The following EEA1 variants were observed in gnomAD, a reference collection of about 807,000 sequenced individuals.
EEA1 encodes early endosome antigen 1, also known as early endosome antigen 1, 162kD.
In EEA1, 111 loss-of-function variants were observed where a neutral mutation model predicts 209.2. That is an observed-to-expected ratio of 0.53 (90% CI 0.45 to 0.62). The LOEUF (loss-of-function observed/expected upper bound fraction) is 0.62, where lower values mean the gene tolerates loss of function less well. Among genes scored for constraint, EEA1 ranks in the 20% least tolerant of loss-of-function variants. The pLI is 0.00. For missense variants in EEA1, 1,343 were observed against 1,530.8 expected (o/e 0.88, Z 2.05); for synonymous variants, 536 against 540.6 (o/e 0.99, Z 0.12).
At chr12:92,908,956 T>C (rs1454035702) in intron 1 of EEA1, among the ~76,000 whole-genome samples, 1 of 152,080 alleles carries the variant, frequency 6.6e-6, no homozygotes, top group Non-Finnish European at 1.5e-5. Context: ...CCTGAGTAGC[T>C]AGGATTACAG....
intron 2 of EEA1, among the ~76,000 whole-genome samples, chr12:92,878,682 A>T (rs1879015849): frequency 6.6e-6 from 1 of 152,216 alleles, no homozygotes; most frequent in Non-Finnish European, 1.5e-5. Context: ...AAAGCAAAAC[A>T]CAGAGAAAAT....
chr12:92,915,446 G>C (rs988195709), intron 1 of EEA1, among the ~76,000 whole-genome samples: 1 of 152,118 alleles, frequency 6.6e-6, no homozygotes, highest in Non-Finnish European at 1.5e-5. Flanking sequence ...CTCTAGCCTG[G>C]ACAACAGGGC....
At chr12:92,776,228 A>T in intron 28 of EEA1, 95 bp from the exon 29 acceptor site, 2 of 1,197,206 alleles carry the variant, frequency 1.7e-6, no homozygotes, top group South Asian at 1.8e-5. Flanking sequence ...TTATGAAGGT[A>T]CATTAGCTTT....
chr12:92,777,207 A>G (rs1431763192), intron 27 of EEA1, among the ~76,000 whole-genome samples: 2 of 151,906 alleles, frequency 1.3e-5, no homozygotes, highest in African/African-American at 4.8e-5. Context: ...TCTAAACATA[A>G]TGATGAATTT....
At chr12:92,906,852 A>G (rs1324441975) in intron 1 of EEA1, among the ~76,000 whole-genome samples, 1 of 152,064 alleles carries the variant, frequency 6.6e-6, no homozygotes, top group East Asian at 1.9e-4. Context: ...AACTTTCAAC[A>G]CTGATTTTGT....
intron 6 of EEA1, 53 bp from the exon 7 acceptor site, chr12:92,853,078 ATTG>A: frequency 4.4e-6 from 5 of 1,131,812 alleles, no homozygotes; most frequent in Non-Finnish European, 6.5e-6. Flanking sequence ...CATATGCTAA[ATTG>A]TTATTACTTA....
At position 92,802,388 on chromosome 12, in the gene EEA1, AAT is replaced by A. The variant is rs768925566; in HGVS notation, c.2670+14_2670+15del. 11 of 1,542,446 alleles carry A rather than the reference AAT, an allele frequency of 7.1e-6. 1 individual carries two copies. In the South Asian group the frequency reaches 1.4e-4, roughly 20 times the overall value. ...ATAATCACTTCTACCTAAGAAAGTA[AAT>A]GTAAACTACTAACCAAGTCTAATAT... On this transcript the variant is annotated intron_variant, in intron 19 of 28. Coordinates refer to ENST00000322349, the MANE Select transcript of EEA1 (RefSeq NM_003566.4).
chr12:92,803,070 G>C (rs1272912040), intron 18 of EEA1, among the ~76,000 whole-genome samples: 1 of 151,926 alleles, frequency 6.6e-6, no homozygotes, highest in East Asian at 1.9e-4. Flanking sequence ...ATAACAGCCA[G>C]AAACGTTTTT....
rs756040050 is a variant in EEA1, at chr12:92,816,193, A to G, written c.1929+7T>C. ...GTGCTTTACACAAACATTAAATTTA[A>G]TATTACCTGTATGTCAAGCTGGGAG... On this transcript the variant is annotated splice_region_variant and intron_variant, in intron 15 of 28. Coordinates refer to ENST00000322349, the MANE Select transcript of EEA1 (RefSeq NM_003566.4). The G allele has an allele frequency of 6.2e-7, 1 of 1,609,702 alleles. No homozygotes were observed. The highest frequency in any genetic ancestry group is 8.5e-7 in the Non-Finnish European group (1 of 1,176,420).
chr12:92,819,386 A>C lies in EEA1; in HGVS notation c.1650T>G (p.Tyr550Ter). The change falls in exon 14 of 29, where the codon TAT (tyrosine) becomes TAG (stop). Residue 550 changes from tyrosine to a stop codon, truncating the protein, a stop_gained. Coordinates refer to ENST00000322349, the MANE Select transcript of EEA1 (RefSeq NM_003566.4). LOFTEE classifies it high-confidence loss of function. ...CTCCTTCACCAGCCTGAATTTTTGCATAAAGATCTTCTCTTTCTTTTTCTA... is the reference window on the plus strand; with the variant it reads ...CTCCTTCACCAGCCTGAATTTTTGCCTAAAGATCTTCTCTTTCTTTTTCTA... ...SLLEKEREDLYAKIQAGEGET... is the reference protein window; with the variant it reads ...SLLEKEREDL The C allele has an allele frequency of 6.2e-7, 1 of 1,613,040 alleles. No individual in the cohort carries two copies. Among genetic ancestry groups the C allele is most frequent in the Non-Finnish European group, 8.5e-7 (1 of 1,179,478 alleles).
Position 92,894,885 on chromosome 12 carries a change from AACT to A in EEA1, c.25-3167_25-3165del, listed in dbSNP as rs530396544. ...CCTTCTATTGGAAGATGTCATCTGT[AACT>A]ACTATAGCTAGAGAAGAGAAATCAA... On this transcript the variant is annotated intron_variant, in intron 1 of 28. Coordinates refer to ENST00000322349, the MANE Select transcript of EEA1 (RefSeq NM_003566.4). Among the ~76,000 whole-genome samples, 14 of 152,360 alleles carry A rather than the reference AACT, an allele frequency of 9.2e-5. No individual in the cohort carries two copies. In the South Asian group the frequency reaches 2.9e-3, roughly 32 times the overall value.
intron 19 of EEA1, 148 bp from the exon 20 acceptor site, chr12:92,801,849 A>G: frequency 2.0e-6 from 1 of 489,474 alleles, no homozygotes; most frequent in Non-Finnish European, 3.3e-6. Context: ...TTCAATGATA[A>G]AACTAGGAAA....
Position 92,909,099 on chromosome 12 carries a change from C to T in EEA1, c.25-17378G>A, listed in dbSNP as rs143593291. On this transcript the variant is annotated intron_variant, in intron 1 of 28. Transcript: ENST00000322349. ...TGCTGGGATTACAGGCATGAGCCAC[C>T]GCGCCCAGCCCTGTTTCTTAACAAT... 1.4e-3 allele frequency among the ~76,000 whole-genome samples: 219 copies of T among 152,244 alleles called. 1 individual carries two copies. Among genetic ancestry groups the T allele is most frequent in the African/African-American group, 4.9e-3 (204 of 41,542 alleles).
intron 11 of EEA1, among the ~76,000 whole-genome samples, chr12:92,832,044 G>A (rs1472620699): frequency 5.4e-5 from 8 of 147,288 alleles, no homozygotes; most frequent in South Asian, 2.1e-4. Flanking sequence ...CCGAGATTGC[G>A]CCACTGCAGT....
chr12:92,913,616 T>C (rs1880658163), intron 1 of EEA1, among the ~76,000 whole-genome samples: 1 of 152,172 alleles, frequency 6.6e-6, no homozygotes, highest in Non-Finnish European at 1.5e-5. Flanking sequence ...CAGAGAGATT[T>C]TCCTAGGTTT....
At chr12:92,785,020 A>C (rs1874066994) in intron 22 of EEA1, among the ~76,000 whole-genome samples, 1 of 56,170 alleles carries the variant, frequency 1.8e-5, no homozygotes, top group Admixed American at 2.5e-4. Context: ...GTTTTCCCAT[A>C]CTTTCTTAAA....
At chr12:92,858,863 G>A (rs1302753201) in intron 3 of EEA1, 1 of 732,728 alleles carries the variant, frequency 1.4e-6, no homozygotes, top group Non-Finnish European at 2.5e-6. Context: ...GGTGATGCTG[G>A]TTTGTATGAC....
chr12:92,881,653 AAGAC>A (rs780136748), intron 2 of EEA1, among the ~76,000 whole-genome samples: 4 of 152,178 alleles, frequency 2.6e-5, no homozygotes, highest in South Asian at 2.1e-4. Flanking sequence ...GAATTAGTAA[AAGAC>A]AGGCCATTAG....
At chr12:92,875,938 C>A (rs1878860997) in intron 2 of EEA1, among the ~76,000 whole-genome samples, 2 of 152,138 alleles carry the variant, frequency 1.3e-5, no homozygotes, top group East Asian at 1.9e-4. Flanking sequence ...TCCTTCAGTT[C>A]TTTTTGTGTT....
Sources: gnomAD v4.1 joint callset for allele counts (sites outside exome capture counted in the v4.1 genomes callset) on GRCh38, gnomAD v4.1.1 for gene constraint, MANE v1.5 for transcripts, NCBI Gene and HGNC (gene_info 2026-07-23, HGNC 2026-07-21) for gene names.